CDON: variants seen among roughly 807,000 people sequenced by gnomAD.
CDON encodes the protein cell adhesion associated, oncogene regulated, also known as cell adhesion molecule-related/down-regulated by oncogenes.
A neutral mutation model predicts 120.9 loss-of-function variants in CDON; 73 were observed. The observed-to-expected ratio is 0.60, with a 90% CI of 0.50 to 0.73. The LOEUF is 0.73. Ranked by LOEUF, CDON falls within the 30% of genes least tolerant of loss-of-function variation. CDON has a pLI of 0.00. For missense variants in CDON, 1,470 were observed against 1,587.3 expected, an observed-to-expected ratio of 0.93 and a Z score of 1.26; for synonymous variants, 566 against 573.5, an observed-to-expected ratio of 0.99 and a Z score of 0.19.
chr11:126,001,467 A>C (rs1467749289), intron 11 of CDON, among the ~76,000 whole-genome samples: 3 of 151,968 alleles, frequency 2.0e-5, no homozygotes, highest in Non-Finnish European at 2.9e-5. Flanking sequence ...GCCTAGCCAC[A>C]AAACTCCTTT....
intron 8 of CDON, 74 bp from the exon 9 acceptor site, chr11:126,006,131 A>C (rs1417214573): frequency 7.5e-7 from 1 of 1,340,570 alleles, no homozygotes; most frequent in Admixed American, 1.7e-5. Context: ...TTGTGACGTG[A>C]CTGCCCTCAC....
At chr11:126,037,097 T>C (rs1381645867) in intron 1 of CDON, among the ~76,000 whole-genome samples, 2 of 130,516 alleles carry the variant, frequency 1.5e-5, no homozygotes, top group Non-Finnish European at 3.5e-5. Context: ...ATTCAACCCA[T>C]TTTCTTTCTT....
At chr11:125,984,925 G>A (rs1012745771) in intron 15 of CDON, among the ~76,000 whole-genome samples, 1 of 152,132 alleles carries the variant, frequency 6.6e-6, no homozygotes, top group African/African-American at 2.4e-5. Context: ...TTTGGAGCCC[G>A]TGTAGGTGCA....
chr11:126,025,988 T>C (rs1197111008), intron 1 of CDON, among the ~76,000 whole-genome samples: 2 of 152,224 alleles, frequency 1.3e-5, no homozygotes. Context: ...TACTCTCTTA[T>C]GTAACTTATC....
intron 1 of CDON, among the ~76,000 whole-genome samples, chr11:126,032,418 C>A (rs1947967583): frequency 6.6e-6 from 1 of 151,984 alleles, no homozygotes; most frequent in South Asian, 2.1e-4. Flanking sequence ...AAGGATAAGA[C>A]ACAGTGAGGG....
intron 1 of CDON, among the ~76,000 whole-genome samples, chr11:126,050,406 T>G (rs1041793025): frequency 4.0e-5 from 6 of 151,844 alleles, no homozygotes; most frequent in African/African-American, 1.5e-4. Flanking sequence ...ATTAAAACTT[T>G]TATATGATAT....
chr11:126,061,861 T>C (rs1402419363), intron 1 of CDON, among the ~76,000 whole-genome samples: 2 of 152,152 alleles, frequency 1.3e-5, no homozygotes, highest in African/African-American at 2.4e-5. Flanking sequence ...ACAGCTCCTT[T>C]TGGAGAGCCT....
At chr11:125,995,114 A>C in intron 12 of CDON, 62 bp from the exon 13 acceptor site, 1 of 1,441,512 alleles carries the variant, frequency 6.9e-7, no homozygotes, top group South Asian at 1.2e-5. Flanking sequence ...GAAAAGCTAT[A>C]ATAAGACAAC....
At chr11:126,008,127 T>C (rs1369250941) in intron 8 of CDON, among the ~76,000 whole-genome samples, 1 of 151,964 alleles carries the variant, frequency 6.6e-6, no homozygotes, top group East Asian at 1.9e-4. Flanking sequence ...GCACCAACTC[T>C]CATTATAGTT....
intron 1 of CDON, among the ~76,000 whole-genome samples, chr11:126,062,242 G>A (rs1299949470): frequency 1.3e-5 from 2 of 152,096 alleles, no homozygotes; most frequent in Non-Finnish European, 2.9e-5. Flanking sequence ...CGGCTCCCTT[G>A]GGAAAACGCG....
chr11:126,031,662 G>A (rs950211871), intron 1 of CDON, among the ~76,000 whole-genome samples: 1 of 152,224 alleles, frequency 6.6e-6, no homozygotes, highest in Non-Finnish European at 1.5e-5. Flanking sequence ...TGTCTGCAGT[G>A]TGTGTGCACC....
chr11:126,045,814 T>C (rs61917843), intron 1 of CDON, among the ~76,000 whole-genome samples: 4,216 of 151,996 alleles, frequency 0.028, 89 homozygotes, highest in Non-Finnish European at 0.043. Context: ...CTACTAAAAA[T>C]ACAAAATTAG....
chr11:126,016,147 C>T (rs1947462165), intron 6 of CDON, among the ~76,000 whole-genome samples: 1 of 152,092 alleles, frequency 6.6e-6, no homozygotes, highest in African/African-American at 2.4e-5. Context: ...TATAGCAGGC[C>T]ATGGTTATAA....
chr11:125,997,305 TTGAAGGCAG>T lies in CDON; in HGVS notation c.2255_2263del (p.Thr752_Phe754del). On this transcript the variant is annotated inframe_deletion, in exon 12 of 20. Coordinates refer to ENST00000531738, the MANE Select transcript of CDON (RefSeq NM_001378964.1). The stretch of plus-strand genomic sequence containing the variant: ...GGTCCTCATCCGTTTATATTCGACT[TTGAAGGCAG>T]TGATTGGAGAACCCCCGTTTGCCCG... 1 of 1,614,044 alleles carries T rather than the reference TTGAAGGCAG, an allele frequency of 6.2e-7. No individual in the cohort carries two copies. Among genetic ancestry groups the T allele is most frequent in the Non-Finnish European group, 8.5e-7 (1 of 1,179,960 alleles).
intron 14 of CDON, among the ~76,000 whole-genome samples, chr11:125,990,045 C>G (rs1036552649): frequency 6.6e-6 from 1 of 152,078 alleles, no homozygotes; most frequent in African/African-American, 2.4e-5. Flanking sequence ...TAGTGGGAGT[C>G]TTTCATAAAA....
At position 126,005,808 on chromosome 11, in the gene CDON, C is replaced by A. The variant is rs780507127; in HGVS notation, c.1802G>T (p.Gly601Val). 1 of 1,614,020 alleles carries A rather than the reference C, an allele frequency of 6.2e-7. No homozygotes were observed. The highest frequency in any genetic ancestry group is 8.5e-7 in the Non-Finnish European group (1 of 1,179,990). The change falls in exon 9 of 20, where the codon GGC becomes GTC. Residue 601 changes from glycine (G) to valine (V), a missense_variant. Transcript: ENST00000531738. ...PDTYNLVWRAGKDGGLPINAY... is the reference protein window; with the variant it reads ...PDTYNLVWRAVKDGGLPINAY... ...ATTGATGGGCAGCCCACCATCCTTGCCTGCCCTCCACACCAGGTTGTACGT... is the reference window on the plus strand; with the variant it reads ...ATTGATGGGCAGCCCACCATCCTTGACTGCCCTCCACACCAGGTTGTACGT...
At chr11:125,980,957 C>G in intron 17 of CDON, 92 bp downstream of exon 17, 1 of 1,317,690 alleles carries the variant, frequency 7.6e-7, no homozygotes, top group East Asian at 2.3e-5. Context: ...TGTGAGGTTT[C>G]TATACTGAAC....
intron 9 of CDON, chr11:126,005,403 T>C (rs74429562): frequency 0.014 from 3,243 of 225,500 alleles, 116 homozygotes; most frequent in African/African-American, 0.07. Flanking sequence ...TTGTTTTTAA[T>C]AAGAAACTGC....
At chr11:125,998,053 C>G (rs760366219) in intron 11 of CDON, among the ~76,000 whole-genome samples, 10 of 152,096 alleles carry the variant, frequency 6.6e-5, no homozygotes, top group Non-Finnish European at 1.2e-4. Context: ...ACATGATCCA[C>G]GTGAACATGT....
Sources: allele counts gnomAD v4.1 joint callset (sites outside exome capture counted in the v4.1 genomes callset), GRCh38; gene constraint gnomAD v4.1.1; transcripts MANE v1.5; gene names NCBI Gene and HGNC (gene_info 2026-07-23, HGNC 2026-07-21).